C1orf21: variants seen among roughly 807,000 people sequenced by gnomAD.
C1orf21 encodes uncharacterized protein C1orf21.
Under a neutral mutation model 18.7 loss-of-function variants are expected in C1orf21, and 3 were observed. That is an observed-to-expected ratio of 0.16 (90% CI 0.07 to 0.42). The LOEUF is 0.42. C1orf21 is among the 10% of genes least tolerant of loss of function. The probability of loss-of-function intolerance (pLI) is 0.99; values close to 1 mark genes in which losing one functional copy is unlikely to be tolerated. For synonymous variants in C1orf21, 41 were observed against 46.4 expected (o/e 0.88, Z 0.47); for missense variants, 104 against 143.6 (o/e 0.72, Z 1.41).
At chr1:184,579,379 GTTTTTTTTTTTTTT>G (rs201010891) in intron 3 of C1orf21, among the ~76,000 whole-genome samples, 5 of 71,444 alleles carry the variant, frequency 7.0e-5, no homozygotes, top group Non-Finnish European at 5.1e-5. Context: ...TATAAGCTGG[GTTTTTTTTTTTTTT>G]TTTTTTTTTT....
intron 1 of C1orf21, among the ~76,000 whole-genome samples, chr1:184,400,044 C>G (rs1442633241): frequency 1.3e-5 from 2 of 151,678 alleles, no homozygotes; most frequent in Non-Finnish European, 2.9e-5. Flanking sequence ...TCATTATGAA[C>G]TTGTGGATTT....
intron 3 of C1orf21, among the ~76,000 whole-genome samples, chr1:184,559,799 A>G (rs1658937071): frequency 6.6e-6 from 1 of 151,972 alleles, no homozygotes; most frequent in Non-Finnish European, 1.5e-5. Context: ...TGTAATTCTT[A>G]TAAAGATGAG....
At chr1:184,522,688 T>C (rs1435041306) in intron 3 of C1orf21, among the ~76,000 whole-genome samples, 3 of 152,194 alleles carry the variant, frequency 2.0e-5, no homozygotes, top group Admixed American at 6.5e-5. Context: ...CTTTATTTTG[T>C]ATTGTATTTA....
At chr1:184,579,731 G>A (rs776626635) in intron 3 of C1orf21, among the ~76,000 whole-genome samples, 1 of 151,828 alleles carries the variant, frequency 6.6e-6, no homozygotes, top group South Asian at 2.1e-4. Flanking sequence ...GGCTGGTCTC[G>A]AACTCCTGAC....
intron 1 of C1orf21, among the ~76,000 whole-genome samples, chr1:184,407,962 G>A (rs1270747170): frequency 6.6e-6 from 1 of 152,184 alleles, no homozygotes; most frequent in Non-Finnish European, 1.5e-5. Flanking sequence ...TTGCAGATGG[G>A]CTAATGGATG....
chr1:184,467,425 A>C (rs1280762646), intron 1 of C1orf21, among the ~76,000 whole-genome samples: 1 of 152,322 alleles, frequency 6.6e-6, no homozygotes, highest in African/African-American at 2.4e-5. Context: ...TTGTCTTTAC[A>C]TAGTCTTTCC....
intron 1 of C1orf21, among the ~76,000 whole-genome samples, chr1:184,390,830 A>T (rs1233836709): frequency 6.6e-6 from 1 of 152,210 alleles, no homozygotes; most frequent in Non-Finnish European, 1.5e-5. Flanking sequence ...AGCATGCAGT[A>T]AATAAAAATT....
intron 5 of C1orf21, among the ~76,000 whole-genome samples, chr1:184,603,856 G>C (rs1659616584): frequency 1.3e-5 from 2 of 152,172 alleles, no homozygotes; most frequent in African/African-American, 2.4e-5. Flanking sequence ...TACATCTATT[G>C]AACAGTCATT....
At chr1:184,527,492 AT>A (rs1394022243) in intron 3 of C1orf21, among the ~76,000 whole-genome samples, 1 of 152,170 alleles carries the variant, frequency 6.6e-6, no homozygotes, top group Non-Finnish European at 1.5e-5. Context: ...TAAGGGCTGA[AT>A]AGGTATTTAA....
rs72737731 is a variant in C1orf21, at chr1:184,620,836, T to C, written c.*1280T>C. 0.025 allele frequency: 3,832 copies of C among 152,754 alleles called. 82 individuals carry two copies. The highest frequency in any genetic ancestry group is 0.038 in the Non-Finnish European group (2,610 of 68,030). The allele number at this position is 152,754 out of a possible 1,614,324, so 9.5% of individuals were successfully genotyped here. A position where few individuals can be genotyped will look rare whatever the true frequency, so the allele number is the denominator to read the frequency against. ...ACAGAAGTGATATTTTTAACAAATA[T>C]TGTCACAAGTAAATAGCAATCAAAA... is the stretch of plus-strand genomic sequence containing the variant. On this transcript the variant is annotated 3_prime_UTR_variant, in exon 6 of 6. Coordinates refer to ENST00000235307, the MANE Select transcript of C1orf21 (RefSeq NM_030806.4).
chr1:184,467,586 C>T (rs566924758), intron 1 of C1orf21, among the ~76,000 whole-genome samples: 1 of 152,340 alleles, frequency 6.6e-6, no homozygotes, highest in East Asian at 1.9e-4. Context: ...TTTCTGTCTG[C>T]ATCCAGTCTG....
chr1:184,516,419 A>G lies in C1orf21; in HGVS notation c.189+8737A>G, dbSNP rs146096927. On this transcript the variant is annotated intron_variant, in intron 3 of 5. Coordinates refer to ENST00000235307, the MANE Select transcript of C1orf21 (RefSeq NM_030806.4). ...ATGAGAGTTTCCTTACCTATCTCCA[A>G]TGCATTAAATTTCCATTACATGTCA... Among the ~76,000 whole-genome samples the G allele has an allele frequency of 1.1e-3, 162 of 152,318 alleles. 1 individual carries two copies. In the Middle Eastern group the frequency reaches 0.02, roughly 19 times the overall value.
intron 1 of C1orf21, among the ~76,000 whole-genome samples, chr1:184,389,370 C>T (rs1655935842): frequency 6.6e-6 from 1 of 152,152 alleles, no homozygotes; most frequent in Admixed American, 6.5e-5. Context: ...CCTAGAAGGA[C>T]CTTAAAGTTC....
chr1:184,551,210 T>A (rs1658807873), intron 3 of C1orf21, among the ~76,000 whole-genome samples: 1 of 152,182 alleles, frequency 6.6e-6, no homozygotes, highest in Non-Finnish European at 1.5e-5. Context: ...TCCAGGCGAA[T>A]TATTTAGAGA....
chr1:184,619,137 C>T (rs969389195), intron 5 of C1orf21, among the ~76,000 whole-genome samples: 2 of 152,206 alleles, frequency 1.3e-5, no homozygotes, highest in African/African-American at 4.8e-5. Context: ...TGTTGATTTT[C>T]AGGCACGGGG....
intron 3 of C1orf21, among the ~76,000 whole-genome samples, chr1:184,512,624 C>T (rs1014053753): frequency 2.0e-5 from 3 of 152,192 alleles, no homozygotes; most frequent in Non-Finnish European, 4.4e-5. Context: ...AAAGTAGTAG[C>T]ATTTGCTTTG....
At chr1:184,398,506 A>T (rs1175576367) in intron 1 of C1orf21, among the ~76,000 whole-genome samples, 1 of 152,204 alleles carries the variant, frequency 6.6e-6, no homozygotes, top group Non-Finnish European at 1.5e-5. Context: ...AGCAAATCAG[A>T]CATTGTATTA....
chr1:184,507,609 T>C lies in C1orf21; in HGVS notation c.116T>C (p.Val39Ala), dbSNP rs1266889032. Reference sequence around the variant, plus strand: ...TCAGATGAGTATAGGATCAAACCAGTGGAAGAGGTCAAATACATGAAAAAT... The same window carrying C: ...TCAGATGAGTATAGGATCAAACCAGCGGAAGAGGTCAAATACATGAAAAAT... The part of the protein sequence containing the change: ...VFGDEYRIKP[V>A]EEVKYMKNGA... Residue 39 changes from valine to alanine, a missense_variant, in exon 3 of 6, where the codon GTG becomes GCG. By Grantham distance (64) the Val-to-Ala change is moderately conservative. Transcript: ENST00000235307. 5 of 1,606,580 alleles carry C rather than the reference T, an allele frequency of 3.1e-6. No homozygotes were observed. Among genetic ancestry groups the C allele is most frequent in the Middle Eastern group, 3.3e-4 (2 of 6,038 alleles).
chr1:184,624,162 A>G lies in C1orf21; in HGVS notation c.*4606A>G, dbSNP rs1289078161. On this transcript the variant is annotated 3_prime_UTR_variant, in exon 6 of 6. Transcript: ENST00000235307. ...TTTTCAAATTCTTTTTATTATGACT[A>G]TGCCCTTCGCAACACTGTGAAAACA... 4 of 152,630 alleles carry G rather than the reference A, an allele frequency of 2.6e-5. No individual in the cohort carries two copies. Among genetic ancestry groups the G allele is most frequent in the African/African-American group, 4.8e-5 (2 of 41,444 alleles). The allele number at this position is 152,630 out of a possible 1,614,324, so 9.5% of individuals were successfully genotyped here.
Sources: allele counts gnomAD v4.1 joint callset (sites outside exome capture counted in the v4.1 genomes callset), GRCh38; gene constraint gnomAD v4.1.1; transcripts MANE v1.5; gene names NCBI Gene and HGNC (gene_info 2026-07-23, HGNC 2026-07-21).